Variants in DDX25 observed in about 807,000 individuals in gnomAD.
DDX25 encodes the protein ATP-dependent RNA helicase DDX25.
DDX25 carries 70 observed loss-of-function variants against 64.6 expected under a neutral mutation model. The observed-to-expected ratio is 1.08, with a 90% CI of 0.89 to 1.32. The LOEUF (loss-of-function observed/expected upper bound fraction) is 1.32. DDX25 is among the 40% of genes most tolerant of loss of function. The pLI, the probability that DDX25 is intolerant of heterozygous loss-of-function variation, is 0.00. For synonymous variants in DDX25, 211 were observed against 213.3 expected, an observed-to-expected ratio of 0.99 and a Z score of 0.09; for missense variants, 587 against 604.4, an observed-to-expected ratio of 0.97 and a Z score of 0.30.
At chr11:125,919,189 C>T (rs1945079492) in intron 10 of DDX25, among the ~76,000 whole-genome samples, 1 of 152,168 alleles carries the variant, frequency 6.6e-6, no homozygotes, top group Non-Finnish European at 1.5e-5. Context: ...GTCTGTCCAC[C>T]AGTTGATGGA....
In DDX25 at chr11:125,924,844, C is replaced by T. The variant is rs537106049; in HGVS notation, c.*1963C>T. The T allele has an allele frequency of 6.6e-6, 1 of 152,480 alleles. No individual in the cohort carries two copies. The highest frequency in any genetic ancestry group is 2.4e-5 in the African/African-American group (1 of 41,450). 9.4% of individuals were successfully genotyped at this position (152,480 alleles called of 1,614,324 possible). ...GACAGAACTTGTAACACATGGAACTCCTGCTGCTCGGTGTCCATCCTGGTT... is the reference window on the plus strand; with the variant it reads ...GACAGAACTTGTAACACATGGAACTTCTGCTGCTCGGTGTCCATCCTGGTT... On this transcript the variant is annotated 3_prime_UTR_variant, in exon 12 of 12. Coordinates refer to ENST00000263576, the MANE Select transcript of DDX25 (RefSeq NM_013264.5).
At chr11:125,910,594 C>T in intron 7 of DDX25, 116 bp downstream of exon 7, 4 of 851,532 alleles carry the variant, frequency 4.7e-6, no homozygotes, top group South Asian at 3.2e-5. Flanking sequence ...TAATACCACT[C>T]ATGTCATAGA....
rs1459979445 is a variant in DDX25 at position 125,917,195 on chromosome 11, G to T, written c.982G>T (p.Ala328Ser). Residue 328 changes from alanine to serine, a missense_variant, in exon 9 of 12, where the codon GCT (alanine) becomes TCT (serine). Ala to Ser is a moderately conservative substitution (Grantham distance 99). Transcript: ENST00000263576. ...TGAGCACAGGAAAGACAAATACCAA[G>T]CTCTGTGCAACATTTATGGCAGCAT... ...LCEHRKDKYQALCNIYGSITI... is the reference protein window; with the variant it reads ...LCEHRKDKYQSLCNIYGSITI... The T allele has an allele frequency of 9.9e-6, 16 of 1,611,020 alleles. No homozygotes were observed. Among genetic ancestry groups the T allele is most frequent in the Non-Finnish European group, 1.4e-5 (16 of 1,178,822 alleles).
At chr11:125,905,887 C>T (rs1176433540) in intron 3 of DDX25, among the ~76,000 whole-genome samples, 187 bp from the exon 4 acceptor site, 1 of 152,142 alleles carries the variant, frequency 6.6e-6, no homozygotes, top group East Asian at 1.9e-4. Flanking sequence ...AGTAACAGAG[C>T]GTAAGAAACT....
intron 4 of DDX25, 56 bp downstream of exon 4, chr11:125,906,265 G>T: frequency 6.8e-7 from 1 of 1,480,018 alleles, no homozygotes; most frequent in Non-Finnish European, 8.9e-7. Context: ...CAGAACAAAC[G>T]CATCTGCTTA....
At chr11:125,904,361 C>A, upstream of DDX25, 1 of 616,686 alleles carries the variant, frequency 1.6e-6, no homozygotes, top group Non-Finnish European at 2.4e-6. Flanking sequence ...CGCGCGCCAC[C>A]CAGCCTTCCA....
intron 1 of DDX25, 59 bp from the exon 2 acceptor site, chr11:125,905,153 C>A: frequency 6.8e-7 from 1 of 1,474,570 alleles, no homozygotes; most frequent in Non-Finnish European, 9.3e-7. Flanking sequence ...GGTAGGGAAG[C>A]ACTGGGCTGC....
intron 4 of DDX25, among the ~76,000 whole-genome samples, chr11:125,906,823 CAAA>C (rs548482997): frequency 1.8e-5 from 2 of 111,970 alleles, no homozygotes; most frequent in East Asian, 5.1e-4. Flanking sequence ...GACTCCGTCT[CAAA>C]AAAAAAAAAA....
Position 125,923,094 on chromosome 11 carries a change from A to G in DDX25, c.*213A>G. The G allele has an allele frequency of 1.8e-6, 1 of 545,716 alleles. No individual in the cohort carries two copies. Among genetic ancestry groups the G allele is most frequent in the South Asian group, 2.5e-5 (1 of 39,624 alleles). The allele number at this position is 545,716 out of a possible 1,614,324, so 33.8% of individuals were successfully genotyped here. ...TCCTTTTGAATAAAAAAAAGGCAAG[A>G]TTATTTCTTATTCTAATCTTTGTAC... On this transcript the variant is annotated 3_prime_UTR_variant, in exon 12 of 12. Coordinates refer to ENST00000263576, the MANE Select transcript of DDX25 (RefSeq NM_013264.5).
upstream of DDX25, chr11:125,904,324 G>A (rs1944842387): frequency 2.5e-6 from 1 of 401,524 alleles, no homozygotes. Flanking sequence ...TCTGCCCCCC[G>A]CCCCGCTCTC....
At chr11:125,908,070 C>A in intron 4 of DDX25, 126 bp from the exon 5 acceptor site, 1 of 719,410 alleles carries the variant, frequency 1.4e-6, no homozygotes, top group Non-Finnish European at 2.3e-6. Flanking sequence ...AATGATCTAT[C>A]TCCAAATACT....
intron 4 of DDX25, 59 bp downstream of exon 4, chr11:125,906,268 T>C: frequency 6.8e-7 from 1 of 1,480,006 alleles, no homozygotes. Flanking sequence ...AACAAACGCA[T>C]CTGCTTATAG....
At chr11:125,904,401 G>C (rs1944844452), upstream of DDX25, 2 of 1,015,780 alleles carry the variant, frequency 2.0e-6, no homozygotes, top group Non-Finnish European at 2.6e-6. Flanking sequence ...CGGTGGTCGC[G>C]GGCGCGGACG....
intron 4 of DDX25, 42 bp downstream of exon 4, chr11:125,906,251 A>T: frequency 6.6e-7 from 1 of 1,510,326 alleles, no homozygotes; most frequent in Non-Finnish European, 8.8e-7. Flanking sequence ...AATGCTGAAA[A>T]CCACAGAACA....
In DDX25 at chr11:125,914,007, A is replaced by AT. The variant is rs200860494; in HGVS notation, c.800+2528dup. Among the ~76,000 whole-genome samples, 999 of 151,690 alleles carry AT rather than the reference A, an allele frequency of 6.6e-3. 10 individuals carry two copies. The highest frequency in any genetic ancestry group is 0.022 in the African/African-American group (925 of 41,400). On this transcript the variant is annotated intron_variant, in intron 8 of 11. Transcript: ENST00000263576. ...TCAATCACACTGGTGGTGGTCTCTG[A>AT]TTTTTTTTTATAGAGCTTCCTCTTC...
At chr11:125,903,677 G>T (rs1944831797), upstream of DDX25, among the ~76,000 whole-genome samples, 1 of 144,416 alleles carries the variant, frequency 6.9e-6, no homozygotes, top group Non-Finnish European at 1.5e-5. Flanking sequence ...CTGCAGTTTC[G>T]TGTGGGTTTT....
rs1471725008 is a variant in DDX25, at chr11:125,921,164, G to C, written c.1202-27G>C. On this transcript the variant is annotated intron_variant, in intron 10 of 11. Coordinates refer to ENST00000263576, the MANE Select transcript of DDX25 (RefSeq NM_013264.5). The surrounding 1 kb of genome is among the most constrained non-coding windows in gnomAD (Gnocchi z 4.1). ...CCGTGTACTGAGGAAAGCATTGCAG[G>C]ACCCTACAGTGTTTTTCCTCTTCTA... 6 of 1,593,082 alleles carry C rather than the reference G, an allele frequency of 3.8e-6. No homozygotes were observed. The highest frequency in any genetic ancestry group is 4.3e-6 in the Non-Finnish European group (5 of 1,169,310).
chr11:125,908,249 A>C lies in DDX25; in HGVS notation c.365A>C (p.Lys122Thr), dbSNP rs1944920778. Residue 122 changes from lysine (K) to threonine (T), a missense_variant, in exon 5 of 12, where the codon AAA becomes ACA. By Grantham distance (78) the Lys-to-Thr change is moderately conservative. Transcript: ENST00000263576. The part of the protein sequence containing the change: ...IYAMGFNRPS[K>T]IQEMALPMML... ...GCAATGGGATTTAATAGGCCATCTA[A>C]AATCCAAGAGATGGCTCTCCCTATG... 1 of 1,613,528 alleles carries C rather than the reference A, an allele frequency of 6.2e-7. No individual in the cohort carries two copies. The highest frequency in any genetic ancestry group is 1.3e-5 in the African/African-American group (1 of 75,062).
Position 125,910,407 on chromosome 11 carries a change from G to C in DDX25, c.551G>C (p.Gly184Ala), listed in dbSNP as rs1243816726. 6.2e-7 allele frequency: 1 copy of C among 1,613,956 alleles called. No individual in the cohort carries two copies. Among genetic ancestry groups the C allele is most frequent in the Non-Finnish European group, 8.5e-7 (1 of 1,179,880 alleles). The change falls in exon 7 of 12, where the codon GGC becomes GCC. Residue 184 changes from glycine to alanine, a missense_variant. Transcript: ENST00000263576. ...APTYELALQTGRVVEQMGKFC... is the reference protein window; with the variant it reads ...APTYELALQTARVVEQMGKFC... ...ACTTATGAATTGGCTCTGCAAACTG[G>C]CCGTGTGGTTGAGCAGATGGGAAAA...
Sources: allele counts gnomAD v4.1 joint callset (sites outside exome capture counted in the v4.1 genomes callset), GRCh38; gene constraint gnomAD v4.1.1; non-coding constraint Gnocchi (gnomAD v3.1); transcripts MANE v1.5; gene names NCBI Gene and HGNC (gene_info 2026-07-23, HGNC 2026-07-21).